The following UNC13D variants were observed in gnomAD, a reference collection of about 807,000 sequenced individuals.
UNC13D encodes protein unc-13 homolog D.
A neutral mutation model predicts 151.7 loss-of-function variants in UNC13D; 115 were observed. The ratio of observed to expected loss-of-function variants is 0.76; its 90% CI spans 0.65 to 0.88. The LOEUF (loss-of-function observed/expected upper bound fraction) is 0.88. Ranked by LOEUF, UNC13D falls within the 40% of genes least tolerant of loss-of-function variation. UNC13D has a pLI of 0.00. For missense variants in UNC13D, 1,369 were observed against 1,438.7 expected, an observed-to-expected ratio of 0.95 and a Z score of 0.78; for synonymous variants, 588 against 612.2, an observed-to-expected ratio of 0.96 and a Z score of 0.58.
Position 75,830,086 on chromosome 17 carries a change from G to A in UNC13D, c.2896C>T (p.Arg966Trp), listed in dbSNP as rs118049905. Residue 966 changes from arginine (R) to tryptophan (W), a missense_variant, in exon 30 of 32, where the codon CGG becomes TGG. Coordinates refer to ENST00000207549, the MANE Select transcript of UNC13D (RefSeq NM_199242.3). ...TCCTTCTTGTGCTTCTGGGTCTCCC[G>A]GGCGGCCAGCTCAGGGAACTCATGC... Reference protein sequence around the residue: ...PRHEFPELAARETQKHKKDLH... With the variant: ...PRHEFPELAAWETQKHKKDLH... 5.8e-3 allele frequency: 9,126 copies of A among 1,580,010 alleles called. 29 individuals are homozygous for A. The highest frequency in any genetic ancestry group is 7.1e-3 in the Non-Finnish European group (8,200 of 1,163,012).
In UNC13D at chr17:75,844,276, A is replaced by AT; in HGVS notation, c.61dup (p.Ile21AsnfsTer51). On this transcript the variant is annotated frameshift_variant, in exon 1 of 32. Coordinates refer to ENST00000207549, the MANE Select transcript of UNC13D (RefSeq NM_199242.3). LOFTEE classifies it high-confidence loss of function. ...TAGATCTCTGACTCTGCGGCGCCTT[A>AT]TCTTGATGGCCTGGCGCAAGAAGGG... is the stretch of plus-strand genomic sequence containing the variant. 1 of 1,612,778 alleles carries AT rather than the reference A, an allele frequency of 6.2e-7. No homozygotes were observed. Among genetic ancestry groups the AT allele is most frequent in the Non-Finnish European group, 8.5e-7 (1 of 1,179,946 alleles).
Position 75,842,501 on chromosome 17 carries a change from C to T in UNC13D, c.501G>A (p.Glu167=), listed in dbSNP as rs764116618. ...QKAVVRHTIP[E]EETHRTQVIT... is the part of the protein sequence containing the mutation. ...TGACCTGCGTGCGGTGGGTCTCCTC[C>T]TCGGGGATGGTGTGCCTCACCACAG... The change falls in exon 6 of 32, where the codon GAG becomes GAA. Residue 167 remains glutamate, a synonymous_variant. Coordinates refer to ENST00000207549, the MANE Select transcript of UNC13D (RefSeq NM_199242.3). 2.1e-5 allele frequency: 34 copies of T among 1,613,394 alleles called. No homozygotes were observed. In the Admixed American group the frequency reaches 4.5e-4, roughly 21 times the overall value.
chr17:75,837,034 G>A, intron 12 of UNC13D, 116 bp from the exon 13 acceptor site: 1 of 492,364 alleles, frequency 2.0e-6, no homozygotes, highest in Non-Finnish European at 3.1e-6. Context: ...CTGAAAACTA[G>A]TGGCTCAACA....
At chr17:75,830,518 A>G (rs1319787032) in intron 28 of UNC13D, 36 bp from the exon 29 acceptor site, 23 of 1,585,410 alleles carry the variant, frequency 1.5e-5, no homozygotes, top group East Asian at 2.3e-5. Context: ...CAGCAGGGTC[A>G]CAGCGGGAGC....
At position 75,840,735 on chromosome 17, in the gene UNC13D, C is replaced by T. The variant is rs761263133; in HGVS notation, c.683+27G>A. 6.2e-7 allele frequency: 1 copy of T among 1,613,714 alleles called. No homozygotes were observed. The highest frequency in any genetic ancestry group is 1.3e-5 in the African/African-American group (1 of 74,928). Reference sequence around the variant, plus strand: ...TGGAGGGCAAAAGGAGCCCCAACCCCTTCCCTGTGAGCCCTGCAACACGAA... The same window carrying T: ...TGGAGGGCAAAAGGAGCCCCAACCCTTTCCCTGTGAGCCCTGCAACACGAA... On this transcript the variant is annotated intron_variant, in intron 8 of 31. Coordinates refer to ENST00000207549, the MANE Select transcript of UNC13D (RefSeq NM_199242.3). This position sits in a 1 kb window ranked among gnomAD's most constrained non-coding sequence, Gnocchi z 4.6.
intron 5 of UNC13D, 60 bp from the exon 6 acceptor site, chr17:75,842,673 C>T: frequency 6.2e-7 from 1 of 1,606,998 alleles, no homozygotes. Flanking sequence ...TGGGAGAGGC[C>T]CTCATCACCC....
At chr17:75,830,868 G>A (rs1374439740) in intron 27 of UNC13D, among the ~76,000 whole-genome samples, 5 of 152,060 alleles carry the variant, frequency 3.3e-5, no homozygotes, top group Non-Finnish European at 5.9e-5. Context: ...GTGCTTCCCC[G>A]ACCCCACCCC....
At chr17:75,829,974 G>T in intron 30 of UNC13D, 54 bp downstream of exon 30, 1 of 1,557,884 alleles carries the variant, frequency 6.4e-7, no homozygotes. Context: ...GCCTGAGGGA[G>T]CCCAGTGGGG....
chr17:75,831,319 A>AGT lies in UNC13D; in HGVS notation c.2475_2476dup (p.Leu826HisfsTer22). The AGT allele has an allele frequency of 6.2e-7, 1 of 1,613,036 alleles. No homozygotes were observed. Among genetic ancestry groups the AGT allele is most frequent in the Non-Finnish European group, 8.5e-7 (1 of 1,179,902 alleles). ...GGCGGCCGCCTCCACCAGCACTGTG[A>AGT]GTGTGTGGGTCCAGAGCAGGGTCAG... On this transcript the variant is annotated frameshift_variant, in exon 26 of 32. Transcript: ENST00000207549. LOFTEE classifies it high-confidence loss of function.
chr17:75,839,030 G>A (rs1379962811), intron 12 of UNC13D, among the ~76,000 whole-genome samples: 1 of 152,064 alleles, frequency 6.6e-6, no homozygotes, highest in Non-Finnish European at 1.5e-5. Flanking sequence ...AACCCAGGAG[G>A]CGGAGCCTGC....
At position 75,827,300 on chromosome 17, in the gene UNC13D, G is replaced by A; in HGVS notation, c.*665C>T. ...TTCTAGGTGGCAGGTGCTGTCCGGG[G>A]AGGGGGCGTGCGCAGCAGACACAGC... On this transcript the variant is annotated 3_prime_UTR_variant, in exon 32 of 32. Coordinates refer to ENST00000207549, the MANE Select transcript of UNC13D (RefSeq NM_199242.3). 5.0e-6 allele frequency: 3 copies of A among 601,408 alleles called. No individual in the cohort carries two copies. Among genetic ancestry groups the A allele is most frequent in the Non-Finnish European group, 7.6e-6 (3 of 392,484 alleles). 37.3% of individuals were successfully genotyped at this position (601,408 alleles called of 1,614,324 possible).
chr17:75,843,977 A>T (rs2064968072), intron 1 of UNC13D: 36 of 1,409,372 alleles, frequency 2.6e-5, no homozygotes, highest in Non-Finnish European at 3.3e-5. Context: ...GGGTCAGGCC[A>T]ACCGGGAGGG....
chr17:75,831,609 A>G, intron 25 of UNC13D: 1 of 542,328 alleles, frequency 1.8e-6, no homozygotes, highest in East Asian at 3.1e-5. Flanking sequence ...ACACTAACGG[A>G]ATGCACAAAC....
Position 75,828,102 on chromosome 17 carries a change from T to C in UNC13D, c.3152-16A>G. ...ATTGGGTCCCCTGCGGAGAGAGGGG[T>C]TTGGGGGTCAGATGCCAGGGGAGAG... On this transcript the variant is annotated splice_polypyrimidine_tract_variant and intron_variant, in intron 31 of 31. Transcript: ENST00000207549. 6.4e-7 allele frequency: 1 copy of C among 1,569,514 alleles called. No individual in the cohort carries two copies. Among genetic ancestry groups the C allele is most frequent in the Non-Finnish European group, 8.6e-7 (1 of 1,157,260 alleles).
In UNC13D at chr17:75,831,382, C is replaced by CGGCA. The variant is rs763344814; in HGVS notation, c.2448-38_2448-35dup. On this transcript the variant is annotated intron_variant, in intron 25 of 31. Coordinates refer to ENST00000207549, the MANE Select transcript of UNC13D (RefSeq NM_199242.3). ...GGGCCGGAGGGATGCGGACACAGCA[C>CGGCA]GGCAGGGCGGTGGCGGAGGAGGAAG... 34 of 1,583,874 alleles carry CGGCA rather than the reference C, an allele frequency of 2.1e-5. No individual in the cohort carries two copies. In the Admixed American group the frequency reaches 3.0e-4, roughly 14 times the overall value.
At chr17:75,829,071 C>T in intron 30 of UNC13D, 88 bp from the exon 31 acceptor site, 2 of 1,506,084 alleles carry the variant, frequency 1.3e-6, no homozygotes, top group Non-Finnish European at 1.8e-6. Context: ...TGTTGGGAAC[C>T]AGCCAGGGTT....
chr17:75,830,181 C>A, intron 29 of UNC13D, 30 bp from the exon 30 acceptor site: 1 of 1,579,052 alleles, frequency 6.3e-7, no homozygotes, highest in East Asian at 2.3e-5. Flanking sequence ...TGTGCGTCAG[C>A]TGAGGGTCTC....
intron 6 of UNC13D, among the ~76,000 whole-genome samples, chr17:75,842,209 C>T (rs928692975): frequency 6.6e-6 from 1 of 152,234 alleles, no homozygotes; most frequent in African/African-American, 2.4e-5. Flanking sequence ...CCACAAGGGC[C>T]TGACCCTCCT....
Position 75,830,566 on chromosome 17 carries a change from G to A in UNC13D, c.2709+12C>T. The A allele has an allele frequency of 6.4e-7, 1 of 1,565,488 alleles. No individual in the cohort carries two copies. Among genetic ancestry groups the A allele is most frequent in the African/African-American group, 1.4e-5 (1 of 73,846 alleles). ...GGCCTGCAGAGGGCGCAGTGCGAGG[G>A]AGGGGCCTCACCTGCTGCTGGATTC... On this transcript the variant is annotated intron_variant, in intron 28 of 31. Transcript: ENST00000207549.
Sources: gnomAD v4.1 joint callset for allele counts (sites outside exome capture counted in the v4.1 genomes callset) on GRCh38, gnomAD v4.1.1 for gene constraint, Gnocchi (gnomAD v3.1) non-coding constraint, MANE v1.5 for transcripts, NCBI Gene and HGNC (gene_info 2026-07-23, HGNC 2026-07-21) for gene names.